The following KCNIP4 variants were observed in gnomAD, a reference collection of about 807,000 sequenced individuals.
The protein encoded by KCNIP4 is Kv channel-interacting protein 4.
A neutral mutation model predicts 34.0 loss-of-function variants in KCNIP4; 12 were observed. The ratio of observed to expected loss-of-function variants is 0.35; its 90% CI spans 0.23 to 0.57. KCNIP4 has a LOEUF of 0.57. KCNIP4 is among the 20% of genes least tolerant of loss of function. KCNIP4 has a pLI of 0.83. For missense variants in KCNIP4, 238 were observed against 311.7 expected (o/e 0.76, Z 1.78); for synonymous variants, 124 against 102.2 (o/e 1.21, Z -1.29).
intron 1 of KCNIP4, among the ~76,000 whole-genome samples, chr4:21,203,841 T>C (rs1020363930): frequency 5.9e-5 from 9 of 152,226 alleles, no homozygotes; most frequent in Admixed American, 2.0e-4. Flanking sequence ...TGGACTCACT[T>C]ACATTTGCTG....
rs541145889 is a variant in KCNIP4, at chr4:21,871,257, G to A, written c.61+77314C>T. ...TATCCCTCCCCCCTCCCCCCTCCCC[G>A]CTCCCCACCTCCCCCCACCCCACAA... On this transcript the variant is annotated intron_variant, in intron 1 of 8. Transcript: ENST00000382152. Among the ~76,000 whole-genome samples, 6 of 24,978 alleles carry A rather than the reference G, an allele frequency of 2.4e-4. No individual in the cohort carries two copies. In the East Asian group the frequency reaches 2.8e-3, roughly 12 times the overall value. The allele number at this position is 24,978 out of a possible 152,430, so 16.4% of individuals were successfully genotyped here.
intron 1 of KCNIP4, among the ~76,000 whole-genome samples, chr4:21,499,556 T>C (rs890165337): frequency 6.6e-6 from 1 of 150,986 alleles, no homozygotes; most frequent in Non-Finnish European, 1.5e-5. Flanking sequence ...TGGAATAAAA[T>C]ACTTTCTTCT....
chr4:21,820,283 G>GTATATATATATA (rs1288802050), intron 1 of KCNIP4, among the ~76,000 whole-genome samples: 21 of 127,442 alleles, frequency 1.6e-4, no homozygotes, highest in African/African-American at 5.4e-4. Flanking sequence ...ATGTGTGTGT[G>GTATATATATATA]TGTATATATA....
rs995753214 is a variant in KCNIP4 at position 21,695,581 on chromosome 4, C to A, written c.61+252990G>T. On this transcript the variant is annotated intron_variant, in intron 1 of 8. Transcript: ENST00000382152. ...AAAGTACCATCCAGTGATAAAGTAC[C>A]AACCACAGTGTTTTGGATTTAATAC... Among the ~76,000 whole-genome samples, 3 of 152,188 alleles carry A rather than the reference C, an allele frequency of 2.0e-5. No individual in the cohort carries two copies. In the East Asian group the frequency reaches 5.8e-4, roughly 29 times the overall value.
chr4:20,893,974 A>G (rs1726228427), intron 1 of KCNIP4, among the ~76,000 whole-genome samples: 3 of 152,108 alleles, frequency 2.0e-5, no homozygotes, highest in Admixed American at 2.0e-4. Flanking sequence ...TCCACCTCCC[A>G]GGTTCAAGCA....
chr4:20,880,593 T>C (rs1241261791), intron 2 of KCNIP4, among the ~76,000 whole-genome samples: 1 of 152,046 alleles, frequency 6.6e-6, no homozygotes, highest in Admixed American at 6.6e-5. Flanking sequence ...TGCAGAAGAG[T>C]GCTAACGAGA....
At chr4:21,696,158 T>A (rs1453098284) in intron 1 of KCNIP4, among the ~76,000 whole-genome samples, 1 of 152,296 alleles carries the variant, frequency 6.6e-6, no homozygotes, top group Middle Eastern at 3.4e-3. Flanking sequence ...TTAATATCTA[T>A]TAATATTTGA....
intron 1 of KCNIP4, among the ~76,000 whole-genome samples, chr4:21,776,328 T>G (rs2109202062): frequency 6.6e-6 from 1 of 152,238 alleles, no homozygotes; most frequent in East Asian, 1.9e-4. Flanking sequence ...ACATACTTAC[T>G]ATGGTTTTTT....
intron 1 of KCNIP4, among the ~76,000 whole-genome samples, chr4:21,221,153 A>G (rs2108999571): frequency 6.6e-6 from 1 of 152,220 alleles, no homozygotes; most frequent in East Asian, 1.9e-4. Context: ...CTCATTGTTC[A>G]AATGTTTCTT....
rs79287487 is a variant in KCNIP4, at chr4:20,850,787, G to C, written c.164-120C>G. The C allele has an allele frequency of 1.5e-4, 182 of 1,195,400 alleles. 3 individuals are homozygous for C. The South Asian group carries it at 3.0e-3, about 20-fold the overall frequency. 74.0% of individuals were successfully genotyped at this position (1,195,400 alleles called of 1,614,324 possible). On this transcript the variant is annotated intron_variant, in intron 2 of 8. Transcript: ENST00000382152. ...ATGTCTGTGACTGTCCACAGAGGAAGGACCCTCACAATGCCTATAAGGCCT... is the reference window on the plus strand; with the variant it reads ...ATGTCTGTGACTGTCCACAGAGGAACGACCCTCACAATGCCTATAAGGCCT...
intron 1 of KCNIP4, among the ~76,000 whole-genome samples, chr4:20,943,973 G>A (rs1731921098): frequency 6.6e-6 from 1 of 152,220 alleles, no homozygotes; most frequent in Non-Finnish European, 1.5e-5. Flanking sequence ...CTAAAATAGG[G>A]AATGGGTTAG....
chr4:21,310,705 C>T (rs1448360684), intron 1 of KCNIP4, among the ~76,000 whole-genome samples: 1 of 151,814 alleles, frequency 6.6e-6, no homozygotes, highest in Non-Finnish European at 1.5e-5. Context: ...GATTTCGGGT[C>T]ATTGCAAGCT....
At chr4:21,250,494 A>G (rs1051299682) in intron 1 of KCNIP4, among the ~76,000 whole-genome samples, 16 of 152,158 alleles carry the variant, frequency 1.1e-4, no homozygotes, top group Non-Finnish European at 2.2e-4. Context: ...TATTTGGCTG[A>G]ATTTTCCTCT....
intron 1 of KCNIP4, among the ~76,000 whole-genome samples, chr4:20,894,671 A>G (rs577814538): frequency 2.6e-4 from 40 of 152,322 alleles, no homozygotes; most frequent in African/African-American, 8.7e-4. Flanking sequence ...TCATCATATA[A>G]TGTTTTATTC....
chr4:21,756,850 A>G (rs1336773920), intron 1 of KCNIP4, among the ~76,000 whole-genome samples: 1 of 151,872 alleles, frequency 6.6e-6, no homozygotes, highest in Non-Finnish European at 1.5e-5. Context: ...TAATCCCAGC[A>G]CTTTGGGAAG....
At chr4:21,800,700 A>G (rs34833395) in intron 1 of KCNIP4, among the ~76,000 whole-genome samples, 59,799 of 151,966 alleles carry the variant, frequency 0.39, 13,017 homozygotes, top group Non-Finnish European at 0.51. Context: ...ATAATAAAAC[A>G]GGACCTACAG....
At chr4:21,025,473 TGAGAGAGAGAGAGA>T (rs33926876) in intron 1 of KCNIP4, among the ~76,000 whole-genome samples, 345 of 95,124 alleles carry the variant, frequency 3.6e-3, no homozygotes, top group East Asian at 7.6e-3. Context: ...TGAAAACAAC[TGAGAGAGAGAGAGA>T]GAGAGAGAGA....
chr4:21,621,742 C>A (rs933319278), intron 1 of KCNIP4, among the ~76,000 whole-genome samples: 2 of 152,128 alleles, frequency 1.3e-5, no homozygotes, highest in African/African-American at 4.8e-5. Context: ...GAGAATCCAA[C>A]ACATTTGGGC....
intron 1 of KCNIP4, among the ~76,000 whole-genome samples, chr4:21,611,711 T>A (rs1744172915): frequency 6.6e-6 from 1 of 152,154 alleles, no homozygotes; most frequent in Non-Finnish European, 1.5e-5. Flanking sequence ...AACTCTTCAT[T>A]CTGTAATCCC....
Sources: gnomAD v4.1 joint callset for allele counts (sites outside exome capture counted in the v4.1 genomes callset) on GRCh38, gnomAD v4.1.1 for gene constraint, MANE v1.5 for transcripts, NCBI Gene and HGNC (gene_info 2026-07-23, HGNC 2026-07-21) for gene names.